HIVEP2: variants seen among roughly 807,000 people sequenced by gnomAD.
HIVEP2 encodes transcription factor HIVEP2.
HIVEP2 carries 14 observed loss-of-function variants against 180.7 expected under a neutral mutation model. The ratio of observed to expected loss-of-function variants is 0.08; its 90% CI spans 0.05 to 0.12. The LOEUF is 0.12. HIVEP2 is among the 10% of genes least tolerant of loss of function. The pLI, the probability that HIVEP2 is intolerant of heterozygous loss-of-function variation, is 1.00. For missense variants in HIVEP2, 2,579 were observed against 3,008.5 expected (o/e 0.86, Z 3.34); for synonymous variants, 1,184 against 1,136.4 (o/e 1.04, Z -0.84).
At chr6:142,775,842 A>AAC (rs397762577) in intron 4 of HIVEP2, among the ~76,000 whole-genome samples, 1 of 150,992 alleles carries the variant, frequency 6.6e-6, no homozygotes, top group African/African-American at 2.4e-5. Context: ...TCAAAAAAAA[A>AAC]CCATATATAT....
intron 5 of HIVEP2, 23 bp downstream of exon 5, chr6:142,769,529 C>A: frequency 6.2e-7 from 1 of 1,601,306 alleles, no homozygotes; most frequent in South Asian, 1.1e-5. Context: ...ATACAAAGTT[C>A]TTCCTAAAAC....
At chr6:142,914,978 C>A (rs1777514198) in intron 1 of HIVEP2, among the ~76,000 whole-genome samples, 3 of 152,108 alleles carry the variant, frequency 2.0e-5, no homozygotes, top group Admixed American at 2.0e-4. Flanking sequence ...TGTTTTTCCC[C>A]ACTATTTCTC....
chr6:142,837,831 T>C (rs1232445475), intron 1 of HIVEP2, among the ~76,000 whole-genome samples: 18 of 151,916 alleles, frequency 1.2e-4, no homozygotes, highest in Admixed American at 1.1e-3. Flanking sequence ...AAGAGTGAAA[T>C]AGAAAATTGG....
intron 2 of HIVEP2, among the ~76,000 whole-genome samples, chr6:142,817,307 C>T (rs1269736344): frequency 6.6e-6 from 1 of 152,206 alleles, no homozygotes; most frequent in African/African-American, 2.4e-5. Context: ...AGAAAAAACA[C>T]ACTTTCAGTT....
chr6:142,871,988 C>G (rs1288849998), intron 1 of HIVEP2, among the ~76,000 whole-genome samples: 1 of 152,100 alleles, frequency 6.6e-6, no homozygotes, highest in Non-Finnish European at 1.5e-5. Context: ...GAGTAACACA[C>G]AGGGAACAGT....
chr6:142,940,886 AC>A (rs1778160889), intron 1 of HIVEP2, among the ~76,000 whole-genome samples: 1 of 152,016 alleles, frequency 6.6e-6, no homozygotes, highest in Non-Finnish European at 1.5e-5. Flanking sequence ...AGCAGGTGAG[AC>A]CCCCTCTGCT....
At chr6:142,927,240 C>T (rs1468250200) in intron 1 of HIVEP2, among the ~76,000 whole-genome samples, 1 of 152,196 alleles carries the variant, frequency 6.6e-6, no homozygotes, top group African/African-American at 2.4e-5. Flanking sequence ...AAAAGGCGTG[C>T]GTTTCCAGGT....
chr6:142,896,901 A>G (rs1487841733), intron 1 of HIVEP2, among the ~76,000 whole-genome samples: 3 of 152,100 alleles, frequency 2.0e-5, no homozygotes. Context: ...TCTGGGTCTT[A>G]CCTCTTATTC....
At chr6:142,908,074 T>C (rs1015839590) in intron 1 of HIVEP2, among the ~76,000 whole-genome samples, 6 of 152,212 alleles carry the variant, frequency 3.9e-5, no homozygotes, top group African/African-American at 1.2e-4. Flanking sequence ...CTTCACTCTT[T>C]CATTCAAGTT....
chr6:142,893,960 C>A (rs1296786739), intron 1 of HIVEP2, among the ~76,000 whole-genome samples: 7 of 152,152 alleles, frequency 4.6e-5, no homozygotes, highest in Non-Finnish European at 1.0e-4. Context: ...GATAAAGCCA[C>A]ACAAATGCGT....
chr6:142,859,834 C>CAAAAAAAAAAAAAAAAAAAAAGAAAAAAA (rs56853043), intron 1 of HIVEP2, among the ~76,000 whole-genome samples: 2 of 73,620 alleles, frequency 2.7e-5, no homozygotes, highest in Non-Finnish European at 2.5e-5. Flanking sequence ...AACTCCGTCT[C>CAAAAAAAAAAAAAAAAAAAAAGAAAAAAA]AAAAAAAAAA....
At chr6:142,884,322 A>G (rs1776645964) in intron 1 of HIVEP2, among the ~76,000 whole-genome samples, 2 of 152,146 alleles carry the variant, frequency 1.3e-5, no homozygotes. Flanking sequence ...AAAAAAAGGA[A>G]TAAAACTTGG....
At chr6:142,813,350 C>A (rs1369851044) in intron 2 of HIVEP2, among the ~76,000 whole-genome samples, 1 of 152,068 alleles carries the variant, frequency 6.6e-6, no homozygotes, top group Non-Finnish European at 1.5e-5. Context: ...TTTTGTTTCA[C>A]CTATGTCTCT....
chr6:142,777,139 T>C (rs1435127971), intron 3 of HIVEP2, among the ~76,000 whole-genome samples: 5 of 152,178 alleles, frequency 3.3e-5, no homozygotes, highest in Non-Finnish European at 5.9e-5. Flanking sequence ...AAAAAGATCA[T>C]ACACATTGAC....
chr6:142,890,750 T>C (rs543072429), intron 1 of HIVEP2, among the ~76,000 whole-genome samples: 16 of 152,324 alleles, frequency 1.1e-4, no homozygotes, highest in African/African-American at 3.6e-4. Context: ...ATAGTGTAAC[T>C]GAGAAAGTAA....
chr6:142,801,578 CAGTT>C (rs765723558), intron 2 of HIVEP2, among the ~76,000 whole-genome samples: 7 of 152,106 alleles, frequency 4.6e-5, no homozygotes, highest in Non-Finnish European at 1.0e-4. Flanking sequence ...CATCACCTCT[CAGTT>C]AGCAGACCAA....
intron 1 of HIVEP2, among the ~76,000 whole-genome samples, chr6:142,931,879 A>G (rs1329953412): frequency 6.6e-6 from 1 of 152,178 alleles, no homozygotes; most frequent in Non-Finnish European, 1.5e-5. Context: ...GAGTCCTTAG[A>G]CCATATATCC....
intron 1 of HIVEP2, among the ~76,000 whole-genome samples, chr6:142,868,670 T>G (rs1776208410): frequency 6.6e-6 from 1 of 152,186 alleles, no homozygotes; most frequent in Non-Finnish European, 1.5e-5. Flanking sequence ...TCTTTGAAAG[T>G]TTTTAAAAAG....
At chr6:142,782,045 G>T (rs553179939) in intron 3 of HIVEP2, among the ~76,000 whole-genome samples, 1 of 152,322 alleles carries the variant, frequency 6.6e-6, no homozygotes, top group South Asian at 2.1e-4. Flanking sequence ...AATAATGACG[G>T]TATACAATGA....
Sources: allele counts gnomAD v4.1 joint callset (sites outside exome capture counted in the v4.1 genomes callset), GRCh38; gene constraint gnomAD v4.1.1; transcripts MANE v1.5; gene names NCBI Gene and HGNC (gene_info 2026-07-23, HGNC 2026-07-21).